The following SLC26A3 variants were observed in gnomAD, a reference collection of about 807,000 sequenced individuals.
SLC26A3 encodes solute carrier family 26 member 3.
In SLC26A3, 64 loss-of-function variants were observed where a neutral mutation model predicts 85.6. That is an observed-to-expected ratio of 0.75 (90% CI 0.61 to 0.92). The LOEUF is 0.92. Ranked by LOEUF, SLC26A3 falls within the 40% of genes least tolerant of loss-of-function variation. SLC26A3 has a pLI of 0.00. For synonymous variants in SLC26A3, 349 were observed against 336.0 expected (o/e 1.04, Z -0.42); for missense variants, 922 against 927.3 (o/e 0.99, Z 0.07).
intron 12 of SLC26A3, among the ~76,000 whole-genome samples, 194 bp from the exon 13 acceptor site, chr7:107,778,475 G>T (rs1308030245): frequency 6.7e-6 from 1 of 150,130 alleles, no homozygotes; most frequent in Admixed American, 6.7e-5. Context: ...GGAGCAAAGT[G>T]CACAGAAGAC....
chr7:107,781,056 C>G (rs1244497172), intron 11 of SLC26A3, among the ~76,000 whole-genome samples: 2 of 152,064 alleles, frequency 1.3e-5, no homozygotes. Flanking sequence ...TATTTCCCAC[C>G]TAGTCAGTAT....
At chr7:107,791,382 C>T (rs62467980) in intron 4 of SLC26A3, 147 bp from the exon 5 acceptor site, 28 of 830,930 alleles carry the variant, frequency 3.4e-5, no homozygotes, top group South Asian at 8.5e-5. Context: ...GAGGCCGAGG[C>T]GGGTGGATCA....
intron 11 of SLC26A3, 119 bp downstream of exon 11, chr7:107,782,678 G>A (rs1346353008): frequency 7.4e-6 from 7 of 947,244 alleles, no homozygotes; most frequent in African/African-American, 1.6e-5. Context: ...GCTAAGAAGA[G>A]TACTTGAGAG....
At chr7:107,770,974 C>T (rs1794021049) in intron 18 of SLC26A3, among the ~76,000 whole-genome samples, 1 of 152,046 alleles carries the variant, frequency 6.6e-6, no homozygotes, top group Admixed American at 6.6e-5. Context: ...AGGCTTCTTT[C>T]AGAAAATGGG....
At chr7:107,784,167 T>C (rs980996201) in intron 8 of SLC26A3, among the ~76,000 whole-genome samples, 2 of 152,230 alleles carry the variant, frequency 1.3e-5, no homozygotes, top group African/African-American at 2.4e-5. Context: ...ATATCTATGG[T>C]AATACATTTT....
Position 107,767,924 on chromosome 7 carries a change from CAG to C in SLC26A3, c.2063-18_2063-17del, listed in dbSNP as rs773575992. 13 of 1,612,192 alleles carry C rather than the reference CAG, an allele frequency of 8.1e-6. No homozygotes were observed. The highest frequency in any genetic ancestry group is 7.6e-6 in the Non-Finnish European group (9 of 1,178,906). On this transcript the variant is annotated splice_polypyrimidine_tract_variant and intron_variant, in intron 18 of 20. Coordinates refer to ENST00000340010, the MANE Select transcript of SLC26A3 (RefSeq NM_000111.3). The stretch of plus-strand genomic sequence containing the variant: ...ATGAAGTCATCTGAAGAGAAAAAAA[CAG>C]TAACTTTTAGGAAGAAACAATTGTT...
chr7:107,792,430 C>T (rs2115879845), intron 3 of SLC26A3, among the ~76,000 whole-genome samples: 1 of 151,798 alleles, frequency 6.6e-6, no homozygotes, highest in East Asian at 1.9e-4. Flanking sequence ...TGTTGGGAGA[C>T]CGTGACAGAT....
chr7:107,765,596 C>T lies in SLC26A3; in HGVS notation c.*259G>A. The stretch of plus-strand genomic sequence containing the variant: ...GGTAGTGACTAGGATGGAAATCTGT[C>T]AGTGCTACAAAAATATGTATGAACA... On this transcript the variant is annotated 3_prime_UTR_variant, in exon 21 of 21. Coordinates refer to ENST00000340010, the MANE Select transcript of SLC26A3 (RefSeq NM_000111.3). 1 of 433,002 alleles carries T rather than the reference C, an allele frequency of 2.3e-6. No homozygotes were observed. The highest frequency in any genetic ancestry group is 4.1e-6 in the Non-Finnish European group (1 of 241,184). The allele number at this position is 433,002 out of a possible 1,614,324, so 26.8% of individuals were successfully genotyped here. A position where few individuals can be genotyped will look rare whatever the true frequency, so the allele number is the denominator to read the frequency against.
At chr7:107,777,753 T>G (rs776319454) in intron 13 of SLC26A3, among the ~76,000 whole-genome samples, 2 of 152,072 alleles carry the variant, frequency 1.3e-5, no homozygotes, top group Non-Finnish European at 2.9e-5. Context: ...ACGAGGGCAA[T>G]CTAACAACCT....
chr7:107,794,258 AAG>A (rs1229050700), intron 2 of SLC26A3, 119 bp downstream of exon 2: 2 of 1,169,190 alleles, frequency 1.7e-6, no homozygotes, highest in African/African-American at 3.0e-5. Flanking sequence ...TTGGAAACTA[AAG>A]AGGAAAGGAC....
In SLC26A3 at chr7:107,778,191, C is replaced by T. The variant is rs375977220; in HGVS notation, c.1498G>A (p.Val500Met). The stretch of plus-strand genomic sequence containing the variant: ...AGCACTCACAATTGGGTCCTGAACA[C>T]GATGGTTAGCAGTTGAAATGCCACA... ...ASVAFQLLTI[V>M]FRTQFPKCST... The change falls in exon 13 of 21, where the codon GTG (valine) becomes ATG (methionine). Residue 500 changes from valine to methionine, a missense_variant. By Grantham distance (21) the Val-to-Met change is conservative. Coordinates refer to ENST00000340010, the MANE Select transcript of SLC26A3 (RefSeq NM_000111.3). 8.2e-5 allele frequency: 132 copies of T among 1,613,052 alleles called. No homozygotes were observed. Among genetic ancestry groups the T allele is most frequent in the Middle Eastern group, 6.6e-4 (4 of 6,082 alleles).
At chr7:107,786,548 G>T (rs1794298183) in intron 8 of SLC26A3, among the ~76,000 whole-genome samples, 3 of 147,220 alleles carry the variant, frequency 2.0e-5, no homozygotes, top group African/African-American at 7.5e-5. Context: ...TGCTTGTCTT[G>T]TTTGTGAGTT....
At chr7:107,769,448 C>G (rs1793968174) in intron 18 of SLC26A3, among the ~76,000 whole-genome samples, 1 of 151,870 alleles carries the variant, frequency 6.6e-6, no homozygotes, top group Non-Finnish European at 1.5e-5. Flanking sequence ...GAGTTGGAGG[C>G]CATTATCCTT....
intron 5 of SLC26A3, among the ~76,000 whole-genome samples, chr7:107,789,935 G>T (rs1035120903): frequency 6.6e-6 from 1 of 152,070 alleles, no homozygotes; most frequent in Non-Finnish European, 1.5e-5. Flanking sequence ...AGTCTAGTTT[G>T]CCCCCAAGAA....
At chr7:107,793,907 A>G in intron 2 of SLC26A3, 26 bp from the exon 3 acceptor site, 1 of 1,614,020 alleles carries the variant, frequency 6.2e-7, no homozygotes, top group Non-Finnish European at 8.5e-7. Flanking sequence ...GCCACAGGTC[A>G]GTCAATTAAT....
At chr7:107,797,740 C>CGTTTTTTTTTTT (rs1794533845) in intron 1 of SLC26A3, among the ~76,000 whole-genome samples, 1 of 127,448 alleles carries the variant, frequency 7.8e-6, no homozygotes, top group Non-Finnish European at 1.6e-5. Flanking sequence ...TGAGCAGGAC[C>CGTTTTTTTTTTT]TTTTTTTTTT....
Position 107,774,125 on chromosome 7 carries a change from A to G in SLC26A3, c.1802T>C (p.Ile601Thr), listed in dbSNP as rs35776303. The G allele has an allele frequency of 1.1e-3, 1,823 of 1,614,104 alleles. 10 individuals carry two copies. The African/African-American group carries it at 0.02, about 18-fold the overall frequency. The part of the protein sequence containing the change: ...PKGFICTVDT[I>T]KDSDEELDNN... ...GTCCAGCTCTTCGTCAGAATCTTTT[A>G]TGGTGTCAACAGTACATATAAATCC... The change falls in exon 17 of 21, where the codon ATA becomes ACA. Residue 601 changes from isoleucine (I) to threonine (T), a missense_variant. By Grantham distance (89) the Ile-to-Thr change is moderately conservative. Transcript: ENST00000340010.
In SLC26A3 at chr7:107,783,330, C is replaced by G. The variant is rs1794241884; in HGVS notation, c.994G>C (p.Asp332His). The G allele has an allele frequency of 1.2e-6, 2 of 1,614,116 alleles. No individual in the cohort carries two copies. Among genetic ancestry groups the G allele is most frequent in the Non-Finnish European group, 1.7e-6 (2 of 1,180,012 alleles). ...ACGGTGTTTTGGAAAGTCTCCACGT[C>G]AGGTGTAATAGGGGGCTGAAATCTA... ...NPGFQPPITP[D>H]VETFQNTVGD... Residue 332 changes from aspartate to histidine, a missense_variant, in exon 9 of 21, where the codon GAC becomes CAC. Physicochemically the swap from Asp to His is moderately conservative, Grantham distance 81. Coordinates refer to ENST00000340010, the MANE Select transcript of SLC26A3 (RefSeq NM_000111.3).
intron 4 of SLC26A3, 66 bp from the exon 5 acceptor site, chr7:107,791,301 A>C: frequency 6.7e-7 from 1 of 1,492,818 alleles, no homozygotes; most frequent in Non-Finnish European, 9.3e-7. Context: ...TTTCAACCAC[A>C]GAATAAGACC....
Sources: gnomAD v4.1 joint callset for allele counts (sites outside exome capture counted in the v4.1 genomes callset) on GRCh38, gnomAD v4.1.1 for gene constraint, MANE v1.5 for transcripts, NCBI Gene and HGNC (gene_info 2026-07-23, HGNC 2026-07-21) for gene names.